Variants in RS1 observed in about 807,000 individuals in gnomAD.
RS1 encodes retinoschisin 1, also known as retinoschisin.
A neutral mutation model predicts 20.8 loss-of-function variants in RS1; 2 were observed. The ratio of observed to expected loss-of-function variants is 0.10; its 90% CI spans 0.04 to 0.30. The LOEUF is 0.30. Among genes scored for constraint, RS1 ranks in the 10% least tolerant of loss-of-function variants. The pLI, the probability that RS1 is intolerant of heterozygous loss-of-function variation, is 1.00. For missense variants in RS1, 151 were observed against 189.8 expected (o/e 0.80, Z 1.20); for synonymous variants, 70 against 75.8 (o/e 0.92, Z 0.40).
At position 18,641,753 on chromosome X, in the gene RS1, G is replaced by A. The variant is rs1569228453; in HGVS notation, c.*251C>T. 7.6e-6 allele frequency: 3 copies of A among 392,531 alleles called. No individual in the cohort carries two copies. Among genetic ancestry groups the A allele is most frequent in the Non-Finnish European group, 8.9e-6 (2 of 224,790 alleles). 32.3% of individuals were successfully genotyped at this position (392,531 alleles called of 1,213,427 possible). On this transcript the variant is annotated 3_prime_UTR_variant, in exon 6 of 6. Transcript: ENST00000379984. ...AATTACCCCTGCTACTTAGGCTTTT[G>A]TAAGAAAATTCGTTTCGGGGACATT...
intron 5 of RS1, 79 bp downstream of exon 5, chrX:18,644,351 C>T: frequency 1.1e-6 from 1 of 890,167 alleles, no homozygotes; most frequent in Non-Finnish European, 1.7e-6. Context: ...TGACAGAGGG[C>T]AGTGACAGGA....
intron 3 of RS1, among the ~76,000 whole-genome samples, chrX:18,656,272 G>A (rs781143233): frequency 1.3e-4 from 14 of 111,896 alleles, no homozygotes; most frequent in Non-Finnish European, 2.4e-4. Flanking sequence ...GATTACAGGC[G>A]TGGGCCACTG....
chrX:18,657,644 G>A lies in RS1; in HGVS notation c.74C>T (p.Thr25Ile), dbSNP rs1319198539. 1.7e-6 allele frequency: 2 copies of A among 1,202,329 alleles called. No homozygotes were observed. Among genetic ancestry groups the A allele is most frequent in the Non-Finnish European group, 2.3e-6 (2 of 887,106 alleles). ...AGCCTTCTTACTGTTACATACCTCGGTAGACGATAATCCCAATGTGGCTAA... is the reference window on the plus strand; with the variant it reads ...AGCCTTCTTACTGTTACATACCTCGATAGACGATAATCCCAATGTGGCTAA... Reference protein sequence around the residue: ...GYEATLGLSSTEDEGEDPWYQ... With the variant: ...GYEATLGLSSIEDEGEDPWYQ... The change falls in exon 2 of 6, where the codon ACC becomes ATC. Residue 25 changes from threonine to isoleucine, a missense_variant. Coordinates refer to ENST00000379984, the MANE Select transcript of RS1 (RefSeq NM_000330.4).
rs1013563950 is a variant in RS1 at position 18,653,604 on chromosome X, A to G, written c.184+3049T>C. The G allele has an allele frequency of 6.2e-6, 7 of 1,137,803 alleles. No individual in the cohort carries two copies. In the African/African-American group the frequency reaches 1.1e-4, roughly 18 times the overall value. 93.8% of individuals were successfully genotyped at this position (1,137,803 alleles called of 1,213,427 possible). On this transcript the variant is annotated intron_variant, in intron 3 of 5. Coordinates refer to ENST00000379984, the MANE Select transcript of RS1 (RefSeq NM_000330.4). The stretch of plus-strand genomic sequence containing the variant: ...AATCACCTCTCTCATGGAAGAACCA[A>G]TTAACACCAATGAATCAACCATTAA...
chrX:18,650,580 A>G lies in RS1; in HGVS notation c.185-3248T>C, dbSNP rs1927988743. The G allele has an allele frequency of 2.5e-6, 3 of 1,211,999 alleles. No homozygotes were observed. Among genetic ancestry groups the G allele is most frequent in the Non-Finnish European group, 3.4e-6 (3 of 895,471 alleles). On this transcript the variant is annotated intron_variant, in intron 3 of 5. Coordinates refer to ENST00000379984, the MANE Select transcript of RS1 (RefSeq NM_000330.4). ...AGGCACTGATGCTTTCAGCTGCCCA[A>G]CCCAGCAATCCGGTAAGCAGAGACT...
At chrX:18,668,505 A>G (rs763881798) in intron 1 of RS1, among the ~76,000 whole-genome samples, 3 of 113,279 alleles carry the variant, frequency 2.6e-5, no homozygotes, top group Non-Finnish European at 5.6e-5. Flanking sequence ...AAAATTATGA[A>G]TGATTAAAAA....
At chrX:18,666,521 C>T (rs1356004719) in intron 1 of RS1, among the ~76,000 whole-genome samples, 2 of 111,401 alleles carry the variant, frequency 1.8e-5, no homozygotes, top group Non-Finnish European at 3.8e-5. Context: ...CCTGCAGGGC[C>T]TCGTGGGCCA....
rs1398393336 is a variant in RS1 at position 18,650,478 on chromosome X, C to T, written c.185-3146G>A. 5.8e-6 allele frequency: 7 copies of T among 1,211,874 alleles called. No individual in the cohort carries two copies. In the East Asian group the frequency reaches 8.9e-5, roughly 15 times the overall value. ...GTGCGTCCCAAACCGAGCCCTTCAT[C>T]GTCCAATCTCCAGTCCTGCTCCCTA... On this transcript the variant is annotated intron_variant, in intron 3 of 5. Transcript: ENST00000379984.
At chrX:18,658,348 A>G (rs1051705525) in intron 1 of RS1, among the ~76,000 whole-genome samples, 3 of 111,576 alleles carry the variant, frequency 2.7e-5, no homozygotes, top group African/African-American at 9.8e-5. Context: ...TCATTTTTCT[A>G]TGTGTATTTT....
intron 1 of RS1, among the ~76,000 whole-genome samples, chrX:18,662,849 G>C (rs1470931044): frequency 9.1e-6 from 1 of 109,636 alleles, no homozygotes; most frequent in Non-Finnish European, 1.9e-5. Context: ...GGATGGTCTC[G>C]ATCTCCTGAC....
intron 1 of RS1, among the ~76,000 whole-genome samples, chrX:18,662,947 A>G (rs1304882399): frequency 3.7e-5 from 4 of 108,747 alleles, no homozygotes; most frequent in African/African-American, 1.0e-4. Flanking sequence ...TAATAGCTGC[A>G]TAGTATTCCA....
rs201472122 is a variant in RS1, at chrX:18,647,144, A to AT, written c.326+46dup. On this transcript the variant is annotated intron_variant, in intron 4 of 5. Coordinates refer to ENST00000379984, the MANE Select transcript of RS1 (RefSeq NM_000330.4). ...GTTGGCCACGCTGGTAGAGAGGCCT[A>AT]TTTTTTTTTAAAAGCACATGAAAAA... 1.1e-3 allele frequency: 1,265 copies of AT among 1,172,154 alleles called. 1 individual carries two copies. The highest frequency in any genetic ancestry group is 2.2e-3 in the Middle Eastern group (8 of 3,654).
At chrX:18,651,773 A>G (rs1404239074) in intron 3 of RS1, among the ~76,000 whole-genome samples, 1 of 111,812 alleles carries the variant, frequency 8.9e-6, no homozygotes, top group African/African-American at 3.3e-5. Context: ...AGAAAATGTG[A>G]CATTTCCCAC....
chrX:18,643,339 A>G (rs1384322757), intron 5 of RS1, among the ~76,000 whole-genome samples: 1 of 111,192 alleles, frequency 9.0e-6, no homozygotes, highest in African/African-American at 3.3e-5. Context: ...CTGGTCTGCC[A>G]TGTTCTTGCC....
chrX:18,654,390 T>G lies in RS1; in HGVS notation c.184+2263A>C, dbSNP rs191543777. On this transcript the variant is annotated intron_variant, in intron 3 of 5. Coordinates refer to ENST00000379984, the MANE Select transcript of RS1 (RefSeq NM_000330.4). ...CCTTTCTTGAAGTATCAAACTAGATTGGGTCGATGAAGCCAATCCACATAA... is the reference window on the plus strand; with the variant it reads ...CCTTTCTTGAAGTATCAAACTAGATGGGGTCGATGAAGCCAATCCACATAA... Among the ~76,000 whole-genome samples, 380 of 111,514 alleles carry G rather than the reference T, an allele frequency of 3.4e-3. 2 individuals carry two copies. Among genetic ancestry groups the G allele is most frequent in the African/African-American group, 0.012 (361 of 30,661 alleles).
At chrX:18,658,805 T>A (rs1928265042) in intron 1 of RS1, among the ~76,000 whole-genome samples, 1 of 110,480 alleles carries the variant, frequency 9.1e-6, no homozygotes, top group South Asian at 3.9e-4. Context: ...ATCATCATCA[T>A]CATCATCATC....
At chrX:18,648,971 C>G (rs1171773590) in intron 3 of RS1, among the ~76,000 whole-genome samples, 1 of 106,058 alleles carries the variant, frequency 9.4e-6, no homozygotes, top group Non-Finnish European at 1.9e-5. Context: ...TTGCTTGAGC[C>G]TAGGAGTCTG....
At chrX:18,647,548 G>T in intron 3 of RS1, 1 of 429,780 alleles carries the variant, frequency 2.3e-6, no homozygotes, top group Non-Finnish European at 4.1e-6. Flanking sequence ...TTGCCATAGA[G>T]ACTCAACAGC....
intron 1 of RS1, among the ~76,000 whole-genome samples, chrX:18,667,790 C>A (rs930015489): frequency 9.0e-6 from 1 of 111,322 alleles, no homozygotes; most frequent in Non-Finnish European, 1.9e-5. Flanking sequence ...TCTTGCATTT[C>A]TTTTCTTCCC....
Sources: allele counts gnomAD v4.1 joint callset (sites outside exome capture counted in the v4.1 genomes callset), GRCh38; gene constraint gnomAD v4.1.1; transcripts MANE v1.5; gene names NCBI Gene and HGNC (gene_info 2026-07-23, HGNC 2026-07-21).